SLK: variants seen among roughly 807,000 people sequenced by gnomAD.
SLK encodes STE20-like serine/threonine-protein kinase.
In SLK, 67 loss-of-function variants were observed where a neutral mutation model predicts 147.7. The ratio of observed to expected loss-of-function variants is 0.45; its 90% confidence interval spans 0.37 to 0.56. The LOEUF is 0.56. Ranked by LOEUF, SLK falls within the 20% of genes least tolerant of loss-of-function variation. The probability of loss-of-function intolerance (pLI) is 0.00; values close to 1 mark genes in which losing one functional copy is unlikely to be tolerated. For synonymous variants in SLK, 441 were observed against 475.0 expected (o/e 0.93, Z 0.93); for missense variants, 1,136 against 1,438.8 (o/e 0.79, Z 3.41).
In SLK at chr10:103,988,223, A is replaced by G. The variant is rs1273641604; in HGVS notation, c.151-2452A>G. On this transcript the variant is annotated intron_variant, in intron 1 of 18. Transcript: ENST00000369755. ...GGATAGAGAAGACGTCTTTTACAGG[A>G]ACATTTTCATCTCCTAGTTTCAGGA... 3.3e-5 allele frequency among the ~76,000 whole-genome samples: 5 copies of G among 152,186 alleles called. No homozygotes were observed. In the South Asian group the frequency reaches 1.0e-3, roughly 32 times the overall value.
At chr10:104,007,086 C>A (rs1236672669) in intron 11 of SLK, among the ~76,000 whole-genome samples, 1 of 151,872 alleles carries the variant, frequency 6.6e-6, no homozygotes, top group African/African-American at 2.4e-5. Flanking sequence ...TTTTAAGAAT[C>A]TTAATGTGGA....
intron 2 of SLK, among the ~76,000 whole-genome samples, chr10:103,992,297 A>G (rs1458052527): frequency 6.6e-6 from 1 of 152,002 alleles, no homozygotes; most frequent in Admixed American, 6.6e-5. Flanking sequence ...TTGGTGACCA[A>G]ATAGCTGTGC....
rs753765408 is a variant in SLK, at chr10:104,002,671, CAGT to C, written c.1496_1498del (p.Val499del). On this transcript the variant is annotated inframe_deletion, in exon 9 of 19. Coordinates refer to ENST00000369755, the MANE Select transcript of SLK (RefSeq NM_014720.4). ...GAAATTAAAGATACTATTTTGCAAA[CAGT>C]AGATTTAGTTTCTCAAGAGACTGGA... The C allele has an allele frequency of 1.2e-6, 2 of 1,609,954 alleles. No individual in the cohort carries two copies. The highest frequency in any genetic ancestry group is 1.7e-6 in the Non-Finnish European group (2 of 1,178,708).
At chr10:103,985,319 G>C (rs967088136) in intron 1 of SLK, among the ~76,000 whole-genome samples, 7 of 152,134 alleles carry the variant, frequency 4.6e-5, no homozygotes, top group African/African-American at 1.7e-4. Context: ...AGCACATTTC[G>C]CTGGGGTGTT....
In SLK at chr10:103,998,974, A is replaced by G. The variant is rs373661152; in HGVS notation, c.587+3A>G. 1.2e-6 allele frequency: 2 copies of G among 1,601,886 alleles called. No homozygotes were observed. Among genetic ancestry groups the G allele is most frequent in the Non-Finnish European group, 1.7e-6 (2 of 1,170,004 alleles). ...TCCTTTATTGGTACACCATATTGGT[A>G]TGTATTCAGTTTTATGAATTTATAG... On this transcript the variant is annotated splice_donor_region_variant and intron_variant, in intron 5 of 18. Coordinates refer to ENST00000369755, the MANE Select transcript of SLK (RefSeq NM_014720.4).
chr10:104,001,480 C>G lies in SLK; in HGVS notation c.901C>G (p.Arg301Gly). Residue 301 changes from arginine to glycine, a missense_variant, in exon 8 of 19, where the codon CGA becomes GGA. Around this residue, in one of 6 missense-constraint regions of SLK, gnomAD observed 141 missense variants for 219.3 expected, o/e 0.64. Transcript: ENST00000369755. ...TACTGTTGATTCCAACAAACCCATCCGAGAATTGATTGCAGAGGCGAAGGC... is the reference window on the plus strand; with the variant it reads ...TACTGTTGATTCCAACAAACCCATCGGAGAATTGATTGCAGAGGCGAAGGC... ...FVTVDSNKPIRELIAEAKAEV... is the reference protein window; with the variant it reads ...FVTVDSNKPIGELIAEAKAEV... 6.2e-7 allele frequency: 1 copy of G among 1,613,894 alleles called. No homozygotes were observed. Among genetic ancestry groups the G allele is most frequent in the Non-Finnish European group, 8.5e-7 (1 of 1,179,928 alleles).
chr10:103,991,235 TA>T (rs1170335232), intron 2 of SLK, among the ~76,000 whole-genome samples: 2 of 152,142 alleles, frequency 1.3e-5, no homozygotes, highest in Non-Finnish European at 2.9e-5. Flanking sequence ...AATCTTGTAA[TA>T]AACTGTAAAA....
chr10:103,986,763 C>CT (rs1252827880), intron 1 of SLK, among the ~76,000 whole-genome samples: 1 of 144,266 alleles, frequency 6.9e-6, no homozygotes. Flanking sequence ...ACTGCAACCT[C>CT]TATCTCCTGG....
chr10:103,996,348 T>C (rs1470089058), intron 4 of SLK, among the ~76,000 whole-genome samples: 3 of 151,728 alleles, frequency 2.0e-5, no homozygotes, highest in Non-Finnish European at 4.4e-5. Context: ...TTTTTTTTTT[T>C]TTAAGACCAG....
intron 1 of SLK, among the ~76,000 whole-genome samples, chr10:103,987,424 G>A (rs1487392488): frequency 6.6e-6 from 1 of 152,096 alleles, no homozygotes; most frequent in Non-Finnish European, 1.5e-5. Context: ...ATTTAAGCAG[G>A]TTCCTGTTAA....
At chr10:103,998,267 G>A (rs1396680541) in intron 4 of SLK, among the ~76,000 whole-genome samples, 2 of 152,154 alleles carry the variant, frequency 1.3e-5, no homozygotes, top group Non-Finnish European at 2.9e-5. Flanking sequence ...CGCATCAAAT[G>A]TGAAACTTAA....
At chr10:103,974,333 C>T (rs142016111) in intron 1 of SLK, among the ~76,000 whole-genome samples, 3,615 of 151,754 alleles carry the variant, frequency 0.024, 136 homozygotes, top group African/African-American at 0.084. Flanking sequence ...TCATCTTGGC[C>T]GGGCGCGGTG....
intron 18 of SLK, among the ~76,000 whole-genome samples, chr10:104,023,166 T>C (rs1451913993): frequency 6.6e-6 from 1 of 152,230 alleles, no homozygotes; most frequent in Non-Finnish European, 1.5e-5. Flanking sequence ...AATTCTCCTC[T>C]CACCTGGCTT....
Position 103,990,775 on chromosome 10 carries a change from C to T in SLK, c.251C>T (p.Ala84Val). 1.3e-6 allele frequency: 2 copies of T among 1,566,442 alleles called. No individual in the cohort carries two copies. The highest frequency in any genetic ancestry group is 1.7e-6 in the Non-Finnish European group (2 of 1,160,016). Residue 84 changes from alanine to valine, a missense_variant, in exon 2 of 19, where the codon GCA becomes GTA. Ala to Val is a moderately conservative substitution (Grantham distance 64). Around this residue, in one of 6 missense-constraint regions of SLK, gnomAD observed 126 missense variants for 141.3 expected, o/e 0.89. Coordinates refer to ENST00000369755, the MANE Select transcript of SLK (RefSeq NM_014720.4). Reference protein sequence around the residue: ...EDYMVEIDILASCDHPNIVKL... With the variant: ...EDYMVEIDILVSCDHPNIVKL... ...TACATGGTAGAGATTGACATATTAG[C>T]ATCTTGTGATCACCCAAATATAGTC...
chr10:103,969,264 C>T (rs1047767954), intron 1 of SLK, among the ~76,000 whole-genome samples: 2 of 152,176 alleles, frequency 1.3e-5, no homozygotes, highest in African/African-American at 2.4e-5. Context: ...CCACCGTCCC[C>T]GGCTGCCTAC....
intron 12 of SLK, 67 bp downstream of exon 12, chr10:104,008,423 T>A: frequency 8.8e-7 from 1 of 1,142,102 alleles, no homozygotes; most frequent in Non-Finnish European, 1.2e-6. Flanking sequence ...TAAGACTATC[T>A]AAGGATTTAG....
intron 1 of SLK, among the ~76,000 whole-genome samples, chr10:103,981,667 G>GTTT (rs143568349): frequency 6.8e-6 from 1 of 147,746 alleles, no homozygotes; most frequent in Admixed American, 6.7e-5. Context: ...ATATATGCCA[G>GTTT]TTTTTTTTTT....
At chr10:104,006,391 CA>C (rs1844326511) in intron 11 of SLK, among the ~76,000 whole-genome samples, 1 of 152,100 alleles carries the variant, frequency 6.6e-6, no homozygotes, top group African/African-American at 2.4e-5. Context: ...ATTTGGAATC[CA>C]AGATTTTAAG....
intron 1 of SLK, among the ~76,000 whole-genome samples, chr10:103,989,460 G>GTTT (rs1202426790): frequency 1.0e-5 from 1 of 96,816 alleles, no homozygotes; most frequent in Non-Finnish European, 1.9e-5. Flanking sequence ...CAGTGTGGCA[G>GTTT]TTTCTTTTTT....
Sources: allele counts gnomAD v4.1 joint callset (sites outside exome capture counted in the v4.1 genomes callset), GRCh38; gene constraint gnomAD v4.1.1; regional missense constraint gnomAD v4.1.1; transcripts MANE v1.5; gene names NCBI Gene and HGNC (gene_info 2026-07-23, HGNC 2026-07-21).